The following DGKH variants were observed in gnomAD, a reference collection of about 807,000 sequenced individuals.
DGKH encodes the protein diacylglycerol kinase eta.
DGKH carries 90 observed loss-of-function variants against 159.3 expected under a neutral mutation model. That is an observed-to-expected ratio of 0.57 (90% CI 0.48 to 0.67). The LOEUF (loss-of-function observed/expected upper bound fraction) is 0.67, where lower values mean the gene tolerates loss of function less well. DGKH is among the 30% of genes least tolerant of loss of function. DGKH has a pLI of 0.00. For synonymous variants in DGKH, 536 were observed against 553.8 expected (o/e 0.97, Z 0.45); for missense variants, 1,181 against 1,506.1 (o/e 0.78, Z 3.57).
intron 3 of DGKH, among the ~76,000 whole-genome samples, chr13:42,154,876 T>TAAA (rs72171903): frequency 6.9e-6 from 1 of 145,864 alleles, no homozygotes; most frequent in East Asian, 2.0e-4. Flanking sequence ...CTGCCTCTAC[T>TAAA]AAAAAAAAAA....
At chr13:42,054,052 G>T (rs1286859912) in intron 1 of DGKH, among the ~76,000 whole-genome samples, 1 of 152,180 alleles carries the variant, frequency 6.6e-6, no homozygotes, top group East Asian at 1.9e-4. Flanking sequence ...TGAAAGTATT[G>T]ATTTGCATTT....
intron 3 of DGKH, among the ~76,000 whole-genome samples, chr13:42,134,887 G>T (rs1955368366): frequency 6.6e-6 from 1 of 152,184 alleles, no homozygotes; most frequent in African/African-American, 2.4e-5. Flanking sequence ...TGAGGCAGGA[G>T]AATTGCTTGA....
chr13:42,072,472 G>T (rs1883037716), intron 1 of DGKH, among the ~76,000 whole-genome samples: 1 of 152,110 alleles, frequency 6.6e-6, no homozygotes, highest in South Asian at 2.1e-4. Context: ...GATGTTAAAA[G>T]AATATAGATG....
At chr13:42,125,150 G>A (rs1462122826) in intron 1 of DGKH, among the ~76,000 whole-genome samples, 1 of 152,130 alleles carries the variant, frequency 6.6e-6, no homozygotes, top group African/African-American at 2.4e-5. Context: ...CACACTCCCT[G>A]TTGTGTCCAG....
intron 12 of DGKH, among the ~76,000 whole-genome samples, chr13:42,177,443 C>T (rs551775350): frequency 1.3e-5 from 2 of 152,294 alleles, no homozygotes; most frequent in Admixed American, 6.5e-5. Context: ...TAGATGAATG[C>T]TGCTGTGAAC....
intron 1 of DGKH, among the ~76,000 whole-genome samples, chr13:42,092,337 C>T (rs1007522520): frequency 6.6e-6 from 1 of 151,998 alleles, no homozygotes; most frequent in Non-Finnish European, 1.5e-5. Context: ...TGGAATCAAC[C>T]GAAGTATTCA....
At chr13:42,213,753 C>T (rs1436875875) in intron 24 of DGKH, among the ~76,000 whole-genome samples, 1 of 152,192 alleles carries the variant, frequency 6.6e-6, no homozygotes, top group African/African-American at 2.4e-5. Context: ...AAAAAAAACA[C>T]TTGAACAGCC....
intron 1 of DGKH, among the ~76,000 whole-genome samples, chr13:42,076,949 T>G (rs1273307348): frequency 1.3e-5 from 2 of 152,200 alleles, no homozygotes; most frequent in Non-Finnish European, 2.9e-5. Flanking sequence ...TGTAATTTTT[T>G]TCTTTCAGTA....
Position 42,238,792 on chromosome 13 carries a change from A to G in DGKH, c.*9604A>G, listed in dbSNP as rs1389887800. ...AAAGTAGAATAACCTAGTTAAAATC[A>G]TTATATTAGTTATACATGAGAGTCA... On this transcript the variant is annotated 3_prime_UTR_variant, in exon 30 of 30. Transcript: ENST00000337343. The G allele has an allele frequency of 6.6e-6, 1 of 152,218 alleles. No individual in the cohort carries two copies. Among genetic ancestry groups the G allele is most frequent in the East Asian group, 1.9e-4 (1 of 5,208 alleles). The allele number at this position is 152,218 out of a possible 1,614,324, so 9.4% of individuals were successfully genotyped here.
chr13:42,255,093 A>G (rs530722865), intron 30 of DGKH, among the ~76,000 whole-genome samples: 78 of 151,528 alleles, frequency 5.1e-4, no homozygotes, highest in African/African-American at 1.8e-3. Context: ...GTACTAGAAA[A>G]TTTAATATTA....
Position 42,048,901 on chromosome 13 carries a change from C to G in DGKH, c.128C>G (p.Ala43Gly). 3.6e-6 allele frequency: 5 copies of G among 1,372,134 alleles called. No homozygotes were observed. The South Asian group carries it at 8.1e-5, about 22-fold the overall frequency. The allele number at this position is 1,372,134 out of a possible 1,614,324, so 85.0% of individuals were successfully genotyped here. A position where few individuals can be genotyped will look rare whatever the true frequency, so the allele number is the denominator to read the frequency against. ...GPGEDSSDSE[A>G]EQEGPQKLIR... is the part of the protein sequence containing the mutation. The stretch of plus-strand genomic sequence containing the variant: ...GGAGAGGATTCGTCTGACAGCGAAG[C>G]GGAGCAAGAGGGACCCCAGAAACTG... Residue 43 changes from alanine (A) to glycine (G), a missense_variant, in exon 1 of 30, where the codon GCG (alanine) becomes GGG (glycine). By Grantham distance (60) the Ala-to-Gly change is moderately conservative. Transcript: ENST00000337343. The surrounding 1 kb of genome is among the most constrained non-coding windows in gnomAD (Gnocchi z 6.7).
At chr13:42,135,757 C>A (rs1192192844) in intron 3 of DGKH, among the ~76,000 whole-genome samples, 1 of 152,074 alleles carries the variant, frequency 6.6e-6, no homozygotes, top group Non-Finnish European at 1.5e-5. Context: ...TCCTTTTGGT[C>A]ACACTGATGC....
Position 42,165,378 on chromosome 13 carries a change from T to A in DGKH, c.903T>A (p.Gly301=). ...TATACCATCCAATATGTCCACTTGG[T>A]CAATGTAAAGTATCTATCATACCTC... is the stretch of plus-strand genomic sequence containing the variant. ...KDLYHPICPL[G]QCKVSIIPPI... Residue 301 remains glycine (G), a synonymous_variant, in exon 8 of 30, where the codon GGT becomes GGA. Transcript: ENST00000337343. 6.3e-7 allele frequency: 1 copy of A among 1,594,254 alleles called. No individual in the cohort carries two copies.
intron 1 of DGKH, among the ~76,000 whole-genome samples, chr13:42,068,592 A>T (rs1882749082): frequency 6.6e-6 from 1 of 152,230 alleles, no homozygotes; most frequent in African/African-American, 2.4e-5. Flanking sequence ...TTTTCATGCA[A>T]TTATGTACAG....
At position 42,198,086 on chromosome 13, in the gene DGKH, C is replaced by A. The variant is rs17598799; in HGVS notation, c.2168-392C>A. 2.3e-4 allele frequency among the ~76,000 whole-genome samples: 35 copies of A among 152,072 alleles called. 1 individual carries two copies. The highest frequency in any genetic ancestry group is 1.9e-3 in the Admixed American group (29 of 15,276). On this transcript the variant is annotated intron_variant, in intron 17 of 29. Coordinates refer to ENST00000337343, the MANE Select transcript of DGKH (RefSeq NM_178009.5). Reference sequence around the variant, plus strand: ...TTATCTATGATTTGAGAATATGGAACTGATAACTCCATGACATTTTGGGTA... The same window carrying A: ...TTATCTATGATTTGAGAATATGGAAATGATAACTCCATGACATTTTGGGTA...
chr13:42,126,530 G>A (rs1019825634), intron 1 of DGKH, among the ~76,000 whole-genome samples: 3 of 152,180 alleles, frequency 2.0e-5, no homozygotes, highest in Non-Finnish European at 2.9e-5. Context: ...GAGGTTCAAA[G>A]TATTTTGCTG....
At chr13:42,041,215 T>A (rs896683362) in intron 1 of DGKH, among the ~76,000 whole-genome samples, 1 of 152,158 alleles carries the variant, frequency 6.6e-6, no homozygotes, top group Non-Finnish European at 1.5e-5. Context: ...ACTTTTCACT[T>A]GCTTTGAGAC....
At chr13:42,144,653 G>T (rs1010128175) in intron 3 of DGKH, among the ~76,000 whole-genome samples, 2 of 151,486 alleles carry the variant, frequency 1.3e-5, no homozygotes, top group African/African-American at 2.4e-5. Context: ...CTGCACTCTT[G>T]CTTGGGTGGT....
At chr13:42,057,914 C>A (rs1318221048) in intron 1 of DGKH, among the ~76,000 whole-genome samples, 1 of 151,880 alleles carries the variant, frequency 6.6e-6, no homozygotes, top group African/African-American at 2.4e-5. Flanking sequence ...GTAGAAGGAA[C>A]AGCAGCTGCA....
Sources: gnomAD v4.1 joint callset for allele counts (sites outside exome capture counted in the v4.1 genomes callset) on GRCh38, gnomAD v4.1.1 for gene constraint, Gnocchi (gnomAD v3.1) non-coding constraint, MANE v1.5 for transcripts, NCBI Gene and HGNC (gene_info 2026-07-23, HGNC 2026-07-21) for gene names.